The following PATJ variants were observed in gnomAD, a reference collection of about 807,000 sequenced individuals.
PATJ encodes the protein PATJ crumbs cell polarity complex component, also known as inaD-like protein.
PATJ carries 190 observed loss-of-function variants against 224.9 expected under a neutral mutation model. The ratio of observed to expected loss-of-function variants is 0.84; its 90% CI spans 0.75 to 0.95. The LOEUF is 0.95. PATJ is among the 40% of genes least tolerant of loss of function. PATJ has a pLI of 0.00. For synonymous variants in PATJ, 769 were observed against 820.3 expected, an observed-to-expected ratio of 0.94 and a Z score of 1.07; for missense variants, 2,121 against 2,270.3, an observed-to-expected ratio of 0.93 and a Z score of 1.34.
At chr1:61,823,176 T>G in intron 15 of PATJ, 97 bp downstream of exon 15, 2 of 1,220,854 alleles carry the variant, frequency 1.6e-6, no homozygotes, top group Non-Finnish European at 2.4e-6. Context: ...GTGTCACCAA[T>G]GCCAATGTAA....
At chr1:61,849,786 T>C (rs753151299) in intron 17 of PATJ, among the ~76,000 whole-genome samples, 10 of 152,232 alleles carry the variant, frequency 6.6e-5, no homozygotes, top group Non-Finnish European at 1.5e-4. Context: ...CTTTAAAAGT[T>C]TGAGTGTTAC....
chr1:61,749,242 G>A (rs557241717), intron 1 of PATJ, among the ~76,000 whole-genome samples: 9 of 151,476 alleles, frequency 5.9e-5, no homozygotes, highest in East Asian at 5.8e-4. Flanking sequence ...TCCTGACCTC[G>A]TGATCCACCC....
At chr1:62,076,465 T>G (rs1052169883) in intron 31 of PATJ, among the ~76,000 whole-genome samples, 1 of 152,188 alleles carries the variant, frequency 6.6e-6, no homozygotes, top group Non-Finnish European at 1.5e-5. Context: ...TGATCTTTCT[T>G]ACACAGTAGT....
At chr1:61,986,319 T>G (rs1644751982) in intron 27 of PATJ, among the ~76,000 whole-genome samples, 1 of 152,144 alleles carries the variant, frequency 6.6e-6, no homozygotes, top group Non-Finnish European at 1.5e-5. Context: ...CATATAGATT[T>G]TAAAATGTAC....
intron 17 of PATJ, among the ~76,000 whole-genome samples, chr1:61,834,427 C>T (rs1472595902): frequency 1.3e-5 from 2 of 152,052 alleles, no homozygotes; most frequent in Non-Finnish European, 2.9e-5. Context: ...GTTACCAATA[C>T]ATTTGGGGGA....
At chr1:61,901,124 A>C (rs572476998) in intron 23 of PATJ, among the ~76,000 whole-genome samples, 158 bp from the exon 24 acceptor site, 1 of 152,380 alleles carries the variant, frequency 6.6e-6, no homozygotes, top group East Asian at 1.9e-4. Context: ...TTGATAACAT[A>C]ATGTTGGAAC....
intron 16 of PATJ, among the ~76,000 whole-genome samples, chr1:61,832,087 T>C (rs1659432106): frequency 1.3e-5 from 2 of 152,030 alleles, no homozygotes; most frequent in Admixed American, 1.3e-4. Flanking sequence ...GAAAACCAAA[T>C]ACCACATGTT....
At chr1:61,790,513 T>TTG (rs1200945005) in intron 8 of PATJ, among the ~76,000 whole-genome samples, 2 of 82,576 alleles carry the variant, frequency 2.4e-5, no homozygotes, top group East Asian at 1.7e-3. Flanking sequence ...CTTCTTTTTT[T>TTG]TGTTTTTTTT....
chr1:61,968,807 A>G (rs1379000168), intron 27 of PATJ, among the ~76,000 whole-genome samples: 3 of 152,026 alleles, frequency 2.0e-5, no homozygotes, highest in Admixed American at 2.0e-4. Context: ...AGAACATGCA[A>G]TGCCCAAACT....
chr1:61,905,476 A>G (rs1671733281), intron 24 of PATJ, among the ~76,000 whole-genome samples: 1 of 152,244 alleles, frequency 6.6e-6, no homozygotes, highest in East Asian at 1.9e-4. Context: ...GGATGTACCA[A>G]TTTGTTTAAT....
chr1:61,845,268 A>T (rs1051152625), intron 17 of PATJ, among the ~76,000 whole-genome samples: 22 of 152,220 alleles, frequency 1.4e-4, no homozygotes, highest in African/African-American at 5.3e-4. Context: ...TGCTGAGGTT[A>T]AGGAGTTCAC....
intron 24 of PATJ, among the ~76,000 whole-genome samples, chr1:61,901,954 G>A (rs537903230): frequency 2.0e-4 from 31 of 152,298 alleles, no homozygotes; most frequent in Admixed American, 2.0e-3. Flanking sequence ...CGAGCACGGT[G>A]GCTCATGCCT....
At position 62,028,999 on chromosome 1, in the gene PATJ, G is replaced by A. The variant is rs118177610; in HGVS notation, c.3960-8978G>A. On this transcript the variant is annotated intron_variant, in intron 29 of 43. Transcript: ENST00000642238. ...TACATACATACATACATACATACAC[G>A]TATACCAGGGTTTATTTCTTGGCTG... Among the ~76,000 whole-genome samples the A allele has an allele frequency of 1.2e-3, 23 of 19,730 alleles. No homozygotes were observed. The East Asian group carries it at 0.033, about 28-fold the overall frequency. 12.9% of individuals were successfully genotyped at this position (19,730 alleles called of 152,430 possible).
intron 25 of PATJ, among the ~76,000 whole-genome samples, chr1:61,911,266 T>A (rs1235879173): frequency 6.6e-6 from 1 of 152,208 alleles, no homozygotes; most frequent in Non-Finnish European, 1.5e-5. Context: ...CAGGCTGGAA[T>A]GCAGTGGTGT....
chr1:62,154,241 A>T (rs558624178), intron 43 of PATJ, among the ~76,000 whole-genome samples: 1 of 152,128 alleles, frequency 6.6e-6, no homozygotes, highest in East Asian at 1.9e-4. Flanking sequence ...TTGGAATTTA[A>T]TTTTTTATAA....
chr1:62,079,176 T>C (rs1411866395), intron 31 of PATJ, among the ~76,000 whole-genome samples: 1 of 152,180 alleles, frequency 6.6e-6, no homozygotes, highest in African/African-American at 2.4e-5. Context: ...CCCAGCTTCA[T>C]GTACAGATCA....
At chr1:61,869,250 G>A (rs1038448341) in intron 20 of PATJ, among the ~76,000 whole-genome samples, 23 of 149,606 alleles carry the variant, frequency 1.5e-4, no homozygotes, top group South Asian at 6.5e-4. Flanking sequence ...GGGACTACAG[G>A]CGCCCGCCAC....
At chr1:62,081,250 C>T (rs1659241459) in intron 32 of PATJ, among the ~76,000 whole-genome samples, 1 of 152,118 alleles carries the variant, frequency 6.6e-6, no homozygotes, top group African/African-American at 2.4e-5. Context: ...GGTTTTCATT[C>T]TCATGGTTAA....
chr1:62,083,529 A>G (rs1247723145), intron 32 of PATJ, among the ~76,000 whole-genome samples: 1 of 152,226 alleles, frequency 6.6e-6, no homozygotes, highest in African/African-American at 2.4e-5. Context: ...TAGCCTATAA[A>G]CATTTTTTCC....
Sources: allele counts gnomAD v4.1 joint callset (sites outside exome capture counted in the v4.1 genomes callset), GRCh38; gene constraint gnomAD v4.1.1; transcripts MANE v1.5; gene names NCBI Gene and HGNC (gene_info 2026-07-23, HGNC 2026-07-21).